The following CSTPP1 variants were observed in gnomAD, a reference collection of about 807,000 sequenced individuals.
CSTPP1 encodes centriolar satellite-associated tubulin polyglutamylase complex regulator 1, also known as UPF0705 protein C11orf49.
the CSTPP1 span, among the ~76,000 whole-genome samples, chr11:47,045,973 G>A: frequency 1.4e-4 from 21 of 152,004 alleles, no homozygotes; most frequent in East Asian, 7.7e-4. Context: ...TTTTAGTAGA[G>A]ACGGGGTTTC....
chr11:47,155,392 G>T, the CSTPP1 span: 1 of 833,118 alleles, frequency 1.2e-6, no homozygotes, highest in Non-Finnish European at 2.0e-6. Context: ...GTGCTTCACT[G>T]CGGGTCGCTA....
At chr11:47,148,713 T>G in the CSTPP1 span, among the ~76,000 whole-genome samples, 1 of 152,250 alleles carries the variant, frequency 6.6e-6, no homozygotes, top group Non-Finnish European at 1.5e-5. Flanking sequence ...GCGCTCATTC[T>G]GAGCACCTGT....
At chr11:47,048,580 G>A in the CSTPP1 span, among the ~76,000 whole-genome samples, 1 of 151,436 alleles carries the variant, frequency 6.6e-6, no homozygotes, top group Non-Finnish European at 1.5e-5. Context: ...AGGCCAGAAC[G>A]ACAGATATTA....
chr11:47,041,625 C>T, the CSTPP1 span: 2 of 412,500 alleles, frequency 4.8e-6, 1 homozygote, highest in Admixed American at 6.2e-5. Context: ...ACTTCTTGCT[C>T]ATGCTCAGCA....
At chr11:46,960,451 C>T in the CSTPP1 span, among the ~76,000 whole-genome samples, 1 of 152,160 alleles carries the variant, frequency 6.6e-6, no homozygotes, top group Admixed American at 6.5e-5. Context: ...AACCACTAAT[C>T]TAATTTTTGT....
the CSTPP1 span, among the ~76,000 whole-genome samples, chr11:47,043,969 C>G: frequency 6.6e-6 from 1 of 152,110 alleles, no homozygotes; most frequent in Non-Finnish European, 1.5e-5. Context: ...AATGTATCTA[C>G]CATGTAGGTT....
At chr11:46,940,343 C>T in the CSTPP1 span, among the ~76,000 whole-genome samples, 1 of 152,154 alleles carries the variant, frequency 6.6e-6, no homozygotes, top group Non-Finnish European at 1.5e-5. Flanking sequence ...AGTTTTGTTC[C>T]TTTGCAAGTG....
At chr11:47,010,202 A>G in the CSTPP1 span, among the ~76,000 whole-genome samples, 1 of 152,218 alleles carries the variant, frequency 6.6e-6, no homozygotes, top group Non-Finnish European at 1.5e-5. Flanking sequence ...TTGGGAAAGG[A>G]GTGGAAATAA....
the CSTPP1 span, among the ~76,000 whole-genome samples, chr11:47,135,700 T>C: frequency 6.6e-6 from 1 of 152,376 alleles, no homozygotes; most frequent in East Asian, 1.9e-4. Flanking sequence ...GCTTGCATTT[T>C]CATTAATCTC....
the CSTPP1 span, chr11:47,052,536 C>A: frequency 2.5e-6 from 4 of 1,609,692 alleles, no homozygotes; most frequent in Admixed American, 1.7e-5. Context: ...TTCCCAAATT[C>A]TTTTTCCTTC....
chr11:46,973,951 A>G, the CSTPP1 span, among the ~76,000 whole-genome samples: 3 of 152,172 alleles, frequency 2.0e-5, no homozygotes, highest in African/African-American at 7.2e-5. Flanking sequence ...TTGGCCAGTC[A>G]TGGTGGCTCA....
chr11:46,939,342 G>GCCT, the CSTPP1 span, among the ~76,000 whole-genome samples: 25 of 152,040 alleles, frequency 1.6e-4, no homozygotes, highest in African/African-American at 6.0e-4. Context: ...ACCCACCTCG[G>GCCT]CCTCCCAAAC....
chr11:46,996,249 T>C, the CSTPP1 span, among the ~76,000 whole-genome samples: 17 of 152,300 alleles, frequency 1.1e-4, no homozygotes, highest in African/African-American at 3.8e-4. Context: ...AGTCTGTGTC[T>C]TTTAACTGGA....
the CSTPP1 span, among the ~76,000 whole-genome samples, chr11:47,034,480 T>A: frequency 4.7e-5 from 7 of 149,506 alleles, no homozygotes; most frequent in African/African-American, 1.7e-4. Flanking sequence ...GATATCCTTT[T>A]TCCTCAATGA....
chr11:47,080,338 C>G, the CSTPP1 span, among the ~76,000 whole-genome samples: 1 of 152,024 alleles, frequency 6.6e-6, no homozygotes, highest in South Asian at 2.1e-4. Flanking sequence ...GCCTATAGTC[C>G]CAGCTGCTCA....
the CSTPP1 span, among the ~76,000 whole-genome samples, chr11:47,091,096 A>G: frequency 6.9e-6 from 1 of 145,576 alleles, no homozygotes; most frequent in Non-Finnish European, 1.5e-5. Context: ...GTGGTTAAAA[A>G]TTTACCTAAC....
chr11:47,045,911 CG>C, the CSTPP1 span, among the ~76,000 whole-genome samples: 1 of 151,950 alleles, frequency 6.6e-6, no homozygotes, highest in Non-Finnish European at 1.5e-5. Flanking sequence ...CTCAGCCTCC[CG>C]AGTAGCTGGG....
chr11:47,033,828 T>C, the CSTPP1 span, among the ~76,000 whole-genome samples: 3 of 152,180 alleles, frequency 2.0e-5, no homozygotes, highest in Non-Finnish European at 4.4e-5. Context: ...TTAAAGGTCC[T>C]TATAACCCCC....
chr11:47,148,886 C>G, the CSTPP1 span, among the ~76,000 whole-genome samples: 1 of 152,154 alleles, frequency 6.6e-6, no homozygotes, highest in Admixed American at 6.5e-5. Context: ...CTGGGGTCAA[C>G]TAATCCAGAA....
Sources: gnomAD v4.1 joint callset for allele counts (sites outside exome capture counted in the v4.1 genomes callset) on GRCh38, gnomAD v4.1.1 for gene constraint, MANE v1.5 for transcripts, NCBI Gene and HGNC (gene_info 2026-07-23, HGNC 2026-07-21) for gene names.